PRRC2A: variants seen among roughly 807,000 people sequenced by gnomAD.
PRRC2A encodes proline rich coiled-coil 2A, also known as protein PRRC2A.
PRRC2A carries 59 observed loss-of-function variants against 224.6 expected under a neutral mutation model. The ratio of observed to expected loss-of-function variants is 0.26; its 90% CI spans 0.21 to 0.33. The LOEUF (loss-of-function observed/expected upper bound fraction) is 0.33, where lower values mean the gene tolerates loss of function less well. Among genes scored for constraint, PRRC2A ranks in the 10% least tolerant of loss-of-function variants. PRRC2A has a pLI of 1.00. For synonymous variants in PRRC2A, 1,194 were observed against 1,109.5 expected (o/e 1.08, Z -1.51); for missense variants, 3,095 against 2,880.7 (o/e 1.07, Z -1.70).
rs868481998 is a variant in PRRC2A at position 31,633,922 on chromosome 6, C to T, written c.4652C>T (p.Ala1551Val). 1.3e-6 allele frequency: 2 copies of T among 1,588,688 alleles called. No homozygotes were observed. The highest frequency in any genetic ancestry group is 1.7e-6 in the Non-Finnish European group (2 of 1,173,992). ...GTGGGTGGGACTCCTCGGGACTCTG[C>T]CGGGGTTAGTCCCTTTCCCCCTAAA... is the stretch of plus-strand genomic sequence containing the variant. ...RGVGGTPRDS[A>V]GVSPFPPKRR... Residue 1551 changes from alanine to valine, a missense_variant, in exon 18 of 31, where the codon GCC becomes GTC. By Grantham distance (64) the Ala-to-Val change is moderately conservative. Transcript: ENST00000376033.
At position 31,636,126 on chromosome 6, in the gene PRRC2A, TA is replaced by T; in HGVS notation, c.5624+78del. 1 of 1,563,436 alleles carries T rather than the reference TA, an allele frequency of 6.4e-7. No homozygotes were observed. Among genetic ancestry groups the T allele is most frequent in the Middle Eastern group, 1.7e-4 (1 of 5,954 alleles). On this transcript the variant is annotated intron_variant, in intron 25 of 30. Coordinates refer to ENST00000376033, the MANE Select transcript of PRRC2A (RefSeq NM_004638.4). This position sits in a 1 kb window ranked among gnomAD's most constrained non-coding sequence, Gnocchi z 4.3. The stretch of plus-strand genomic sequence containing the variant: ...GAGAGGGAAGGGGAAGACACAGTTC[TA>T]GGGTACTAGAAGCTAGTGGACTTAA...
At position 31,634,353 on chromosome 6, in the gene PRRC2A, C is replaced by T. The variant is rs772853603; in HGVS notation, c.4837C>T (p.Arg1613Cys). The change falls in exon 19 of 31, where the codon CGT becomes TGT. Residue 1613 changes from arginine (R) to cysteine (C), a missense_variant. Arg to Cys is a radical substitution (Grantham distance 180, BLOSUM62 -3). Coordinates refer to ENST00000376033, the MANE Select transcript of PRRC2A (RefSeq NM_004638.4). Reference protein sequence around the residue: ...TEALTPHIWNRLHTATSRKSY... With the variant: ...TEALTPHIWNCLHTATSRKSY... ...GGCCCTGACCCCTCACATCTGGAAC[C>T]GTTTACATACTGGTGAGTAAAGCTG... 7.8e-5 allele frequency: 126 copies of T among 1,612,668 alleles called. No homozygotes were observed. Among genetic ancestry groups the T allele is most frequent in the Non-Finnish European group, 1.0e-4 (118 of 1,179,948 alleles).
At chr6:31,622,310 C>A (rs1392076084) in intron 1 of PRRC2A, among the ~76,000 whole-genome samples, 1 of 152,184 alleles carries the variant, frequency 6.6e-6, no homozygotes, top group Non-Finnish European at 1.5e-5. Flanking sequence ...AGTGTTGTTT[C>A]TTCTTCTCTG....
At chr6:31,621,149 T>G (rs1490352778) in intron 1 of PRRC2A, among the ~76,000 whole-genome samples, 3 of 152,126 alleles carry the variant, frequency 2.0e-5, no homozygotes, top group Non-Finnish European at 2.9e-5. Context: ...CTCCCTACCC[T>G]CCGCTGCGCT....
rs762180958 is a variant in PRRC2A at position 31,631,854 on chromosome 6, CGAG to C, written c.3185_3187del (p.Gly1062del). On this transcript the variant is annotated inframe_deletion, in exon 16 of 31. Coordinates refer to ENST00000376033, the MANE Select transcript of PRRC2A (RefSeq NM_004638.4). This position sits in a 1 kb window ranked among gnomAD's most constrained non-coding sequence, Gnocchi z 4.5. Reference sequence around the variant, plus strand: ...GGAATTCCGCAGTTACCGAGAGTTTCGAGGAGATGATGGGCGTGGAGGTGGGAC... The same window carrying C: ...GGAATTCCGCAGTTACCGAGAGTTTCGAGATGATGGGCGTGGAGGTGGGAC... 3 of 1,607,330 alleles carry C rather than the reference CGAG, an allele frequency of 1.9e-6. No homozygotes were observed. Among genetic ancestry groups the C allele is most frequent in the South Asian group, 2.2e-5 (2 of 90,456 alleles).
rs370529407 is a variant in PRRC2A, at chr6:31,637,212, T to A, written c.6243-22T>A. On this transcript the variant is annotated intron_variant, in intron 29 of 30. Transcript: ENST00000376033. ...CCAGGGTCTGGATCCTAGGCTTGCCTTAGACGCCCTTCTTCCCTTAGGTCC... is the reference window on the plus strand; with the variant it reads ...CCAGGGTCTGGATCCTAGGCTTGCCATAGACGCCCTTCTTCCCTTAGGTCC... The A allele has an allele frequency of 3.4e-5, 54 of 1,606,638 alleles. No homozygotes were observed. In the African/African-American group the frequency reaches 7.1e-4, roughly 21 times the overall value.
Position 31,631,376 on chromosome 6 carries a change from G to C in PRRC2A, c.2703G>C (p.Lys901Asn). 6.2e-7 allele frequency: 1 copy of C among 1,605,044 alleles called. No individual in the cohort carries two copies. Among genetic ancestry groups the C allele is most frequent in the Non-Finnish European group, 8.5e-7 (1 of 1,176,908 alleles). The change falls in exon 16 of 31, where the codon AAG (lysine) becomes AAC (asparagine). Residue 901 changes from lysine to asparagine, a missense_variant. Lys to Asn is a moderately conservative substitution (Grantham distance 94). This residue lies in a region of PRRC2A where 2,001 missense variants were observed against 1,764.9 expected (regional missense o/e 1.13). Coordinates refer to ENST00000376033, the MANE Select transcript of PRRC2A (RefSeq NM_004638.4). This position sits in a 1 kb window ranked among gnomAD's most constrained non-coding sequence, Gnocchi z 4.5. Reference sequence around the variant, plus strand: ...TGACGGGGCCAGAAGCAGGCCGAAAGCCTGCCCGCGGAGTCGGGAGTGGAG... The same window carrying C: ...TGACGGGGCCAGAAGCAGGCCGAAACCCTGCCCGCGGAGTCGGGAGTGGAG... The part of the protein sequence containing the change: ...AQLTGPEAGR[K>N]PARGVGSGGQ...
At chr6:31,633,090 C>T in intron 16 of PRRC2A, 98 bp downstream of exon 16, 7 of 1,389,632 alleles carry the variant, frequency 5.0e-6, no homozygotes, top group African/African-American at 1.5e-5. Flanking sequence ...AGATTGTGGC[C>T]TGAGGGGCCA....
Position 31,629,531 on chromosome 6 carries a change from C to T in PRRC2A, c.1957-17C>T, listed in dbSNP as rs1776296560. On this transcript the variant is annotated splice_polypyrimidine_tract_variant and intron_variant, in intron 13 of 30. Transcript: ENST00000376033. Reference sequence around the variant, plus strand: ...GTGCTTTGAGCCTCTCTCATCTTGTCTTTCCTCCTTTCCTAGGAGCAGCTC... The same window carrying T: ...GTGCTTTGAGCCTCTCTCATCTTGTTTTTCCTCCTTTCCTAGGAGCAGCTC... 2.7e-6 allele frequency: 4 copies of T among 1,499,710 alleles called. No individual in the cohort carries two copies. The highest frequency in any genetic ancestry group is 3.4e-4 in the Middle Eastern group (2 of 5,834). 92.9% of individuals were successfully genotyped at this position (1,499,710 alleles called of 1,614,324 possible).
chr6:31,637,372 C>G (rs4947329), intron 30 of PRRC2A, 48 bp downstream of exon 30: 3 of 1,601,566 alleles, frequency 1.9e-6, no homozygotes, highest in Non-Finnish European at 2.6e-6. Flanking sequence ...GAGTTGCCAC[C>G]TGATTTCCTG....
Position 31,635,734 on chromosome 6 carries a change from G to A in PRRC2A, c.5526G>A (p.Gly1842=), listed in dbSNP as rs1777258049. The part of the protein sequence containing the change: ...LYPEVFYGSA[G]PSSSQISGGA... ...CTGAGGTTTTCTATGGCAGTGCTGG[G>A]CCTTCCAGTTCTCAGGTAGGCCCCG... The change falls in exon 24 of 31, where the codon GGG becomes GGA. Residue 1842 remains glycine, a synonymous_variant. Coordinates refer to ENST00000376033, the MANE Select transcript of PRRC2A (RefSeq NM_004638.4). 1 of 1,589,838 alleles carries A rather than the reference G, an allele frequency of 6.3e-7. No homozygotes were observed. The highest frequency in any genetic ancestry group is 1.1e-5 in the South Asian group (1 of 88,096).
chr6:31,632,727 G>C lies in PRRC2A; in HGVS notation c.4054G>C (p.Gly1352Arg), dbSNP rs754889659. The stretch of plus-strand genomic sequence containing the variant: ...AGTACTGCTGACACCCAAGGCTGTG[G>C]GAACTCCTGGGGGAGGTGGAGGTGG... ...PPVLLTPKAVGTPGGGGGGAV... is the reference protein window; with the variant it reads ...PPVLLTPKAVRTPGGGGGGAV... Residue 1352 changes from glycine (G) to arginine (R), a missense_variant, in exon 16 of 31, where the codon GGA becomes CGA. By Grantham distance (125) the Gly-to-Arg change is moderately radical (BLOSUM62 -2). Coordinates refer to ENST00000376033, the MANE Select transcript of PRRC2A (RefSeq NM_004638.4). The C allele has an allele frequency of 4.3e-6, 7 of 1,613,128 alleles. No individual in the cohort carries two copies. In the South Asian group the frequency reaches 7.7e-5, roughly 18 times the overall value.
At position 31,636,976 on chromosome 6, in the gene PRRC2A, C is replaced by T. The variant is rs528487618; in HGVS notation, c.6147+31C>T. On this transcript the variant is annotated intron_variant, in intron 28 of 30. Coordinates refer to ENST00000376033, the MANE Select transcript of PRRC2A (RefSeq NM_004638.4). The surrounding 1 kb of genome is among the most constrained non-coding windows in gnomAD (Gnocchi z 4.3). Reference sequence around the variant, plus strand: ...GTACAGGAACTGAGGGGCTAGGGAGCGCCAAGACTTGGGAGTAGGGATTCT... The same window carrying T: ...GTACAGGAACTGAGGGGCTAGGGAGTGCCAAGACTTGGGAGTAGGGATTCT... 5.6e-6 allele frequency: 9 copies of T among 1,602,302 alleles called. No individual in the cohort carries two copies. Among genetic ancestry groups the T allele is most frequent in the African/African-American group, 2.7e-5 (2 of 74,712 alleles).
At chr6:31,637,385 C>A (rs1777568195) in intron 30 of PRRC2A, 61 bp downstream of exon 30, 2 of 1,602,322 alleles carry the variant, frequency 1.2e-6, no homozygotes, top group Admixed American at 3.3e-5. Context: ...ATTTCCTGTC[C>A]TTCCGTCTCA....
intron 1 of PRRC2A, 22 bp from the exon 2 acceptor site, chr6:31,622,668 G>A (rs1436865676): frequency 1.4e-6 from 1 of 695,228 alleles, no homozygotes; most frequent in Non-Finnish European, 2.5e-6. Flanking sequence ...GAGTTTTTAA[G>A]TTTCTGTTAT....
At chr6:31,629,121 CTG>C (rs770365354) in intron 12 of PRRC2A, 21 bp from the exon 13 acceptor site, 5 of 1,613,082 alleles carry the variant, frequency 3.1e-6, no homozygotes, top group Admixed American at 1.7e-5. Flanking sequence ...CTAGATCACT[CTG>C]TTGTGTTTTT....
chr6:31,633,308 T>G (rs1247220475), intron 16 of PRRC2A, 71 bp from the exon 17 acceptor site: 1 of 1,555,896 alleles, frequency 6.4e-7, no homozygotes, highest in Admixed American at 1.8e-5. Context: ...TAAGCAGAAG[T>G]TGGGAAACAT....
chr6:31,629,393 T>C, intron 13 of PRRC2A, 59 bp downstream of exon 13: 1 of 1,520,052 alleles, frequency 6.6e-7, no homozygotes, highest in Non-Finnish European at 8.9e-7. Context: ...CGGTCCCTAA[T>C]TCTCTTCATA....
Position 31,631,678 on chromosome 6 carries a change from A to G in PRRC2A, c.3005A>G (p.Asn1002Ser). The change falls in exon 16 of 31, where the codon AAT (asparagine) becomes AGT (serine). Residue 1002 changes from asparagine (N) to serine (S), a missense_variant. By Grantham distance (46) the Asn-to-Ser change is conservative. Coordinates refer to ENST00000376033, the MANE Select transcript of PRRC2A (RefSeq NM_004638.4). This position sits in a 1 kb window ranked among gnomAD's most constrained non-coding sequence, Gnocchi z 4.5. ...CCCAAGGAGACCCCACCCAATGGAA[A>G]TCTTTCCCCTGCCCCAAGGCTTCGG... ...GGPKETPPNG[N>S]LSPAPRLRRD... 1 of 1,513,368 alleles carries G rather than the reference A, an allele frequency of 6.6e-7. No individual in the cohort carries two copies. The highest frequency in any genetic ancestry group is 1.3e-5 in the South Asian group (1 of 74,618). The allele number at this position is 1,513,368 out of a possible 1,614,324, so 93.7% of individuals were successfully genotyped here.
Sources: gnomAD v4.1 joint callset for allele counts (sites outside exome capture counted in the v4.1 genomes callset) on GRCh38, gnomAD v4.1.1 for gene constraint, gnomAD v4.1.1 regional missense constraint, Gnocchi (gnomAD v3.1) non-coding constraint, MANE v1.5 for transcripts, NCBI Gene and HGNC (gene_info 2026-07-23, HGNC 2026-07-21) for gene names.